The following CAMK2B variants were observed in gnomAD, a reference collection of about 807,000 sequenced individuals.
CAMK2B encodes the protein calcium/calmodulin dependent protein kinase II beta.
Under a neutral mutation model 93.7 loss-of-function variants are expected in CAMK2B, and 27 were observed. The ratio of observed to expected loss-of-function variants is 0.29; its 90% CI spans 0.21 to 0.40. CAMK2B has a LOEUF of 0.40. Ranked by LOEUF, CAMK2B falls within the 10% of genes least tolerant of loss-of-function variation. The pLI, the probability that CAMK2B is intolerant of heterozygous loss-of-function variation, is 1.00. For missense variants in CAMK2B, 568 were observed against 895.8 expected (o/e 0.63, Z 4.67); for synonymous variants, 374 against 358.8 (o/e 1.04, Z -0.48).
At chr7:44,222,815 A>T (rs1295442648) in intron 20 of CAMK2B, among the ~76,000 whole-genome samples, 2 of 127,636 alleles carry the variant, frequency 1.6e-5, no homozygotes, top group African/African-American at 6.2e-5. Flanking sequence ...CTGGGAGCTC[A>T]CACCACCAGG....
At chr7:44,316,353 T>C (rs1325074210) in intron 1 of CAMK2B, among the ~76,000 whole-genome samples, 1 of 152,244 alleles carries the variant, frequency 6.6e-6, no homozygotes, top group African/African-American at 2.4e-5. Flanking sequence ...TGAATGAACC[T>C]TTCATTCTTG....
chr7:44,259,332 T>G, intron 3 of CAMK2B: 1 of 203,016 alleles, frequency 4.9e-6, no homozygotes, highest in Non-Finnish European at 1.0e-5. Flanking sequence ...GGAGCTGCCG[T>G]GCAGCTCCAC....
At chr7:44,265,004 G>T (rs902014366) in intron 2 of CAMK2B, among the ~76,000 whole-genome samples, 7 of 152,194 alleles carry the variant, frequency 4.6e-5, no homozygotes, top group Admixed American at 1.3e-4. Context: ...CCATCCCTCT[G>T]GGGTGGGAGG....
intron 5 of CAMK2B, among the ~76,000 whole-genome samples, chr7:44,252,363 G>T (rs2096788426): frequency 2.0e-5 from 3 of 151,870 alleles, no homozygotes; most frequent in African/African-American, 4.8e-5. Context: ...AACCACACAG[G>T]GGGCCAAGAG....
Position 44,311,715 on chromosome 7 carries a change from A to G in CAMK2B, c.65+13642T>C, listed in dbSNP as rs543743059. On this transcript the variant is annotated intron_variant, in intron 1 of 23. Coordinates refer to ENST00000395749, the MANE Select transcript of CAMK2B (RefSeq NM_001220.5). The surrounding 1 kb of genome is among the most constrained non-coding windows in gnomAD (Gnocchi z 4.2). ...CTTCACACAGGACCCCCACCGCCCC[A>G]GCTCTGGGCCTCAGGGACAACAGTG... Among the ~76,000 whole-genome samples, 1 of 152,252 alleles carries G rather than the reference A, an allele frequency of 6.6e-6. No individual in the cohort carries two copies. Among genetic ancestry groups the G allele is most frequent in the Admixed American group, 6.5e-5 (1 of 15,302 alleles).
chr7:44,237,509 A>G (rs890012625), intron 13 of CAMK2B, among the ~76,000 whole-genome samples: 7 of 152,218 alleles, frequency 4.6e-5, no homozygotes, highest in Non-Finnish European at 7.3e-5. Context: ...CCCGCTTTTA[A>G]AACAATCGCT....
Position 44,248,370 on chromosome 7 carries a change from G to A in CAMK2B, c.342-1178C>T, listed in dbSNP as rs902943640. 3.3e-5 allele frequency among the ~76,000 whole-genome samples: 5 copies of A among 152,162 alleles called. No homozygotes were observed. The highest frequency in any genetic ancestry group is 3.9e-4 in the East Asian group (2 of 5,194). On this transcript the variant is annotated intron_variant, in intron 5 of 23. Transcript: ENST00000395749. This position sits in a 1 kb window ranked among gnomAD's most constrained non-coding sequence, Gnocchi z 4.1. ...GAGCCCCTGCACACACCGAGAGCCC[G>A]TGGCTTGAATCTGCTTCTGCCCAGG...
At chr7:44,220,585 C>T (rs1251556173) in intron 22 of CAMK2B, 31 bp downstream of exon 22, 5 of 1,577,232 alleles carry the variant, frequency 3.2e-6, no homozygotes, top group Non-Finnish European at 8.7e-7. Context: ...GGGCACCGCC[C>T]CCTCATGCCC....
chr7:44,300,847 A>G (rs1327882778), intron 1 of CAMK2B, among the ~76,000 whole-genome samples: 1 of 152,250 alleles, frequency 6.6e-6, no homozygotes, highest in Non-Finnish European at 1.5e-5. Flanking sequence ...TCAAGCTCAC[A>G]TGGAACAATC....
At chr7:44,254,475 G>T in intron 5 of CAMK2B, 67 bp downstream of exon 5, 1 of 1,135,284 alleles carries the variant, frequency 8.8e-7, no homozygotes, top group Non-Finnish European at 1.3e-6. Context: ...CAGCAGGAGT[G>T]GGTGAAGGAG....
chr7:44,269,013 G>A (rs796868360), intron 2 of CAMK2B, among the ~76,000 whole-genome samples: 5 of 152,132 alleles, frequency 3.3e-5, no homozygotes, highest in Admixed American at 6.5e-5. Flanking sequence ...CTCCTGCCAC[G>A]CCACCCTCAT....
chr7:44,283,115 G>A (rs1303199647), intron 2 of CAMK2B, among the ~76,000 whole-genome samples: 4 of 152,144 alleles, frequency 2.6e-5, no homozygotes, highest in African/African-American at 7.2e-5. Context: ...CCCACCTGGC[G>A]CTCTGGCACA....
chr7:44,267,463 G>A (rs1420222235), intron 2 of CAMK2B, among the ~76,000 whole-genome samples: 1 of 152,116 alleles, frequency 6.6e-6, no homozygotes, highest in Admixed American at 6.5e-5. Flanking sequence ...GCTTGGAGAG[G>A]GAACTCATGA....
chr7:44,273,012 G>A (rs1046983258), intron 2 of CAMK2B, among the ~76,000 whole-genome samples: 2 of 152,216 alleles, frequency 1.3e-5, no homozygotes, highest in African/African-American at 4.8e-5. Flanking sequence ...GACACCCAGT[G>A]AAACCAGGAA....
chr7:44,296,671 T>G (rs576248750), intron 1 of CAMK2B, among the ~76,000 whole-genome samples: 1 of 152,130 alleles, frequency 6.6e-6, no homozygotes, highest in East Asian at 1.9e-4. Flanking sequence ...AGAGAAAATC[T>G]TGAAATAACC....
Position 44,234,469 on chromosome 7 carries a change from G to A in CAMK2B, c.1060-8C>T. 6.4e-7 allele frequency: 1 copy of A among 1,572,450 alleles called. No individual in the cohort carries two copies. Among genetic ancestry groups the A allele is most frequent in the Non-Finnish European group, 8.6e-7 (1 of 1,161,326 alleles). On this transcript the variant is annotated splice_polypyrimidine_tract_variant and splice_region_variant and intron_variant, in intron 14 of 23. Transcript: ENST00000395749. ...GGTGCTATTCGTCTGGGGCTGTGGAGAGAGGGAAGAGGAACTCTTAGGTGG... is the reference window on the plus strand; with the variant it reads ...GGTGCTATTCGTCTGGGGCTGTGGAAAGAGGGAAGAGGAACTCTTAGGTGG...
rs772096842 is a variant in CAMK2B at position 44,242,553 on chromosome 7, C to T, written c.696+7G>A. 2 of 1,600,250 alleles carry T rather than the reference C, an allele frequency of 1.2e-6. No individual in the cohort carries two copies. The highest frequency in any genetic ancestry group is 1.1e-5 in the South Asian group (1 of 90,190). On this transcript the variant is annotated splice_region_variant and intron_variant, in intron 9 of 23. Coordinates refer to ENST00000395749, the MANE Select transcript of CAMK2B (RefSeq NM_001220.5). Reference sequence around the variant, plus strand: ...GGAGCTCATCAGAGAGGGGCTGGTGCACTCACGTCATAGGCACCAGCCTTG... The same window carrying T: ...GGAGCTCATCAGAGAGGGGCTGGTGTACTCACGTCATAGGCACCAGCCTTG...
In CAMK2B at chr7:44,219,288, T is replaced by TTG. The variant is rs1450198601; in HGVS notation, c.*236_*237insCA. 6.6e-6 allele frequency: 1 copy of TTG among 150,726 alleles called. No individual in the cohort carries two copies. Among genetic ancestry groups the TTG allele is most frequent in the Non-Finnish European group, 1.5e-5 (1 of 67,664 alleles). 9.3% of individuals were successfully genotyped at this position (150,726 alleles called of 1,614,324 possible). A position where few individuals can be genotyped will look rare whatever the true frequency, so the allele number is the denominator to read the frequency against. ...TCCTTCCTTTAGTTTTTTTTGTTTT[T>TTG]TTTTTTTTTCATTTCATCTGATGTC... On this transcript the variant is annotated 3_prime_UTR_variant, in exon 24 of 24. Coordinates refer to ENST00000395749, the MANE Select transcript of CAMK2B (RefSeq NM_001220.5).
chr7:44,238,610 A>G (rs1346988021), intron 13 of CAMK2B, among the ~76,000 whole-genome samples: 4 of 152,174 alleles, frequency 2.6e-5, no homozygotes, highest in Non-Finnish European at 5.9e-5. Flanking sequence ...CTGGCTGGGA[A>G]GGCCAGGCTG....
Sources: allele counts gnomAD v4.1 joint callset (sites outside exome capture counted in the v4.1 genomes callset), GRCh38; gene constraint gnomAD v4.1.1; non-coding constraint Gnocchi (gnomAD v3.1); transcripts MANE v1.5; gene names NCBI Gene and HGNC (gene_info 2026-07-23, HGNC 2026-07-21).